Variants in PHIP observed in about 807,000 individuals in gnomAD.
PHIP encodes PHIP subunit of CUL4-Ring ligase complex.
Under a neutral mutation model 236.8 loss-of-function variants are expected in PHIP, and 54 were observed. The observed-to-expected ratio is 0.23, with a 90% CI of 0.18 to 0.29. PHIP has a LOEUF of 0.29. Among genes scored for constraint, PHIP ranks in the 10% least tolerant of loss-of-function variants. The pLI, the probability that PHIP is intolerant of heterozygous loss-of-function variation, is 1.00. For missense variants in PHIP, 1,370 were observed against 2,190.8 expected (o/e 0.63, Z 7.48); for synonymous variants, 756 against 718.9 (o/e 1.05, Z -0.83).
chr6:79,024,806 A>T (rs1562188288), intron 9 of PHIP, among the ~76,000 whole-genome samples: 4 of 152,026 alleles, frequency 2.6e-5, no homozygotes, highest in Non-Finnish European at 5.9e-5. Context: ...CTCCGTCTCA[A>T]AAATAAATAA....
At chr6:78,946,316 A>G in intron 37 of PHIP, 56 bp from the exon 38 acceptor site, 1 of 1,506,136 alleles carries the variant, frequency 6.6e-7, no homozygotes, top group Non-Finnish European at 9.0e-7. Context: ...AACGAATAAA[A>G]CAGTTTATAA....
At chr6:78,987,474 T>C (rs1442783066) in intron 21 of PHIP, among the ~76,000 whole-genome samples, 4 of 152,122 alleles carry the variant, frequency 2.6e-5, no homozygotes, top group Non-Finnish European at 5.9e-5. Context: ...AATGTTGCCC[T>C]GGATAAAGAG....
At position 78,940,120 on chromosome 6, in the gene PHIP, T is replaced by C. The variant is rs191453101; in HGVS notation, c.*573A>G. ...AAAGCAAAAGCCTCCTCTAGATACT[T>C]TGTAGATGAACATTCTATAATTAAA... On this transcript the variant is annotated 3_prime_UTR_variant, in exon 40 of 40. Coordinates refer to ENST00000275034, the MANE Select transcript of PHIP (RefSeq NM_017934.7). The C allele has an allele frequency of 1.3e-5, 2 of 152,488 alleles. No homozygotes were observed. The highest frequency in any genetic ancestry group is 2.1e-4 in the South Asian group (1 of 4,826). The allele number at this position is 152,488 out of a possible 1,614,324, so 9.4% of individuals were successfully genotyped here.
At chr6:78,975,608 T>C (rs1437436512) in intron 24 of PHIP, among the ~76,000 whole-genome samples, 1 of 152,200 alleles carries the variant, frequency 6.6e-6, no homozygotes, top group Non-Finnish European at 1.5e-5. Context: ...ATGACATGAT[T>C]GTGTATCTAG....
intron 6 of PHIP, among the ~76,000 whole-genome samples, chr6:79,053,450 T>A (rs1772906143): frequency 6.6e-6 from 1 of 152,240 alleles, no homozygotes; most frequent in Non-Finnish European, 1.5e-5. Flanking sequence ...CAATCAAATC[T>A]TCATGTGCCA....
At chr6:78,945,758 G>GC in intron 38 of PHIP, 1 of 597,724 alleles carries the variant, frequency 1.7e-6, no homozygotes, top group South Asian at 2.2e-5. Flanking sequence ...TGTGGGTACT[G>GC]TGATTTAAAT....
At chr6:79,040,089 C>T (rs1562200712) in intron 7 of PHIP, among the ~76,000 whole-genome samples, 1 of 152,022 alleles carries the variant, frequency 6.6e-6, no homozygotes, top group Non-Finnish European at 1.5e-5. Context: ...CTATAAGTAG[C>T]AGTAGGAAAA....
chr6:79,042,894 C>A lies in PHIP; in HGVS notation c.549G>T (p.Leu183Phe). The A allele has an allele frequency of 6.2e-7, 1 of 1,612,548 alleles. No homozygotes were observed. The highest frequency in any genetic ancestry group is 8.5e-7 in the Non-Finnish European group (1 of 1,178,982). The change falls in exon 7 of 40, where the codon TTG (leucine) becomes TTT (phenylalanine). Residue 183 changes from leucine to phenylalanine, a missense_variant. Around this residue, in one of 14 missense-constraint regions of PHIP, gnomAD observed 82 missense variants for 203.2 expected, o/e 0.40. Coordinates refer to ENST00000275034, the MANE Select transcript of PHIP (RefSeq NM_017934.7). ...MKMHKRILGH[L>F]SSVYCVTFDR... ...CAAAAGTTACACAGTACACAGATGA[C>A]AAGTGTCCAAGAATTCGTTTATGCA...
intron 27 of PHIP, 40 bp downstream of exon 27, chr6:78,969,795 A>C (rs755768238): frequency 4.2e-6 from 4 of 947,158 alleles, no homozygotes; most frequent in Non-Finnish European, 3.2e-6. Flanking sequence ...AGAAAAAAAA[A>C]CCACATCAAA....
intron 7 of PHIP, among the ~76,000 whole-genome samples, chr6:79,031,902 TAA>T (rs1771688350): frequency 6.6e-6 from 1 of 152,174 alleles, no homozygotes; most frequent in African/African-American, 2.4e-5. Flanking sequence ...TTCTTCAAAA[TAA>T]AAAGTTTCAG....
chr6:78,947,764 G>C lies in PHIP; in HGVS notation c.4065C>G (p.Asp1355Glu). 1 of 1,607,644 alleles carries C rather than the reference G, an allele frequency of 6.2e-7. No individual in the cohort carries two copies. Among genetic ancestry groups the C allele is most frequent in the East Asian group, 2.2e-5 (1 of 44,772 alleles). ...VDLLEYPDYR[D>E]IIDTPMDFAT... The stretch of plus-strand genomic sequence containing the variant: ...CAAAATCCATTGGAGTGTCAATGAT[G>C]TCTCTGTAGTCCTAGGAGAGGGAAA... Residue 1355 changes from aspartate to glutamate, a missense_variant, in exon 36 of 40, where the codon GAC becomes GAG. Coordinates refer to ENST00000275034, the MANE Select transcript of PHIP (RefSeq NM_017934.7).
chr6:78,990,264 A>G (rs2127723329), intron 20 of PHIP, among the ~76,000 whole-genome samples: 1 of 152,314 alleles, frequency 6.6e-6, no homozygotes, highest in Non-Finnish European at 1.5e-5. Context: ...AATAAAAGAA[A>G]AGAAAAGAAA....
At position 79,077,712 on chromosome 6, in the gene PHIP, C is replaced by T. The variant is rs900980718; in HGVS notation, c.117G>A (p.Val39=). ...CCGCCGCCCTTACCTCCTTCTCGGC[C>T]ACCTCGCGGATCAGCACCTGCAACA... ...QQAAQVLIRE[V]AEKELLPRRT... Residue 39 remains valine, a synonymous_variant, in exon 3 of 40, where the codon GTG becomes GTA. Coordinates refer to ENST00000275034, the MANE Select transcript of PHIP (RefSeq NM_017934.7). 1.2e-5 allele frequency: 12 copies of T among 1,015,014 alleles called. No homozygotes were observed. Among genetic ancestry groups the T allele is most frequent in the African/African-American group, 1.8e-5 (1 of 56,802 alleles). The allele number at this position is 1,015,014 out of a possible 1,614,324, so 62.9% of individuals were successfully genotyped here. A position where few individuals can be genotyped will look rare whatever the true frequency, so the allele number is the denominator to read the frequency against.
intron 15 of PHIP, among the ~76,000 whole-genome samples, chr6:79,011,809 C>CA (rs1199195698): frequency 2.0e-5 from 3 of 151,666 alleles, no homozygotes; most frequent in African/African-American, 7.2e-5. Context: ...TTCCCAATCT[C>CA]AAACTCTTTA....
At position 78,998,974 on chromosome 6, in the gene PHIP, T is replaced by C. The variant is rs115283347; in HGVS notation, c.1880-583A>G. On this transcript the variant is annotated intron_variant, in intron 17 of 39. Transcript: ENST00000275034. ...GGAAAGTAAACAATAACCCAGGAGTTAATACAGAGTATGAAAGAGAGGTGT... is the reference window on the plus strand; with the variant it reads ...GGAAAGTAAACAATAACCCAGGAGTCAATACAGAGTATGAAAGAGAGGTGT... Among the ~76,000 whole-genome samples the C allele has an allele frequency of 3.5e-3, 535 of 152,196 alleles. 5 individuals are homozygous for C. The highest frequency in any genetic ancestry group is 0.012 in the African/African-American group (497 of 41,530).
At chr6:78,976,011 T>C (rs1484360160) in intron 24 of PHIP, among the ~76,000 whole-genome samples, 2 of 151,790 alleles carry the variant, frequency 1.3e-5, no homozygotes, top group South Asian at 4.2e-4. Flanking sequence ...CTTCACAGAA[T>C]TGGAAAAAAC....
At chr6:78,944,493 T>C (rs974218462) in intron 39 of PHIP, among the ~76,000 whole-genome samples, 13 of 152,156 alleles carry the variant, frequency 8.5e-5, no homozygotes, top group Admixed American at 7.9e-4. Flanking sequence ...AATAATGTCA[T>C]GGAGGTGAGA....
At chr6:78,982,176 C>T (rs1003509122) in intron 23 of PHIP, among the ~76,000 whole-genome samples, 10 of 151,888 alleles carry the variant, frequency 6.6e-5, no homozygotes, top group African/African-American at 2.4e-4. Context: ...ACATGCCCCT[C>T]GTGTTGTATT....
intron 7 of PHIP, among the ~76,000 whole-genome samples, chr6:79,032,886 T>G (rs1377457412): frequency 6.6e-6 from 1 of 152,064 alleles, no homozygotes; most frequent in Non-Finnish European, 1.5e-5. Context: ...TACAGCCATA[T>G]GAAATGTATT....
Sources: gnomAD v4.1 joint callset for allele counts (sites outside exome capture counted in the v4.1 genomes callset) on GRCh38, gnomAD v4.1.1 for gene constraint, gnomAD v4.1.1 regional missense constraint, MANE v1.5 for transcripts, NCBI Gene and HGNC (gene_info 2026-07-23, HGNC 2026-07-21) for gene names.